The following NAALADL2 variants were observed in gnomAD, a reference collection of about 807,000 sequenced individuals.
NAALADL2 encodes inactive N-acetylated-alpha-linked acidic dipeptidase-like protein 2.
A neutral mutation model predicts 87.2 loss-of-function variants in NAALADL2; 76 were observed. That is an observed-to-expected ratio of 0.87 (90% CI 0.72 to 1.05). NAALADL2 has a LOEUF of 1.05. Ranked by LOEUF, NAALADL2 falls within the 50% of genes least tolerant of loss-of-function variation. NAALADL2 has a pLI of 0.00. For missense variants in NAALADL2, 1,089 were observed against 945.8 expected (o/e 1.15, Z -1.99); for synonymous variants, 354 against 331.0 (o/e 1.07, Z -0.75).
intron 2 of NAALADL2, among the ~76,000 whole-genome samples, chr3:175,195,618 T>G (rs1034187509): frequency 2.0e-5 from 3 of 151,792 alleles, no homozygotes; most frequent in Non-Finnish European, 4.4e-5. Flanking sequence ...AGATGATGAA[T>G]GCAAAGAGGT....
intron 9 of NAALADL2, among the ~76,000 whole-genome samples, chr3:175,575,438 C>T (rs1169127943): frequency 1.3e-5 from 2 of 152,016 alleles, no homozygotes; most frequent in African/African-American, 4.8e-5. Context: ...GCTCCTGCCA[C>T]CACACCCGGC....
At chr3:175,229,021 A>G (rs1744562350) in intron 2 of NAALADL2, among the ~76,000 whole-genome samples, 1 of 151,974 alleles carries the variant, frequency 6.6e-6, no homozygotes, top group African/African-American at 2.4e-5. Flanking sequence ...AAGAAATAAA[A>G]CATACAATTG....
At chr3:175,448,691 A>AT (rs372499191) in intron 6 of NAALADL2, among the ~76,000 whole-genome samples, 61 of 152,104 alleles carry the variant, frequency 4.0e-4, no homozygotes, top group East Asian at 3.7e-3. Flanking sequence ...CTTTTTTAAA[A>AT]TTTTTTTGTG....
At chr3:174,660,869 G>C (rs1322175864) in intron 2 of NAALADL2, among the ~76,000 whole-genome samples, 1 of 152,002 alleles carries the variant, frequency 6.6e-6, no homozygotes, top group Non-Finnish European at 1.5e-5. Context: ...AATATAATTA[G>C]TTTGTCCTAA....
intron 2 of NAALADL2, among the ~76,000 whole-genome samples, chr3:174,622,692 C>T (rs573224950): frequency 1.5e-3 from 225 of 152,102 alleles, no homozygotes; most frequent in Non-Finnish European, 2.7e-3. Context: ...AGAGAAAATG[C>T]ATTTACAGTA....
intron 2 of NAALADL2, among the ~76,000 whole-genome samples, chr3:174,702,737 A>G (rs1226810649): frequency 6.6e-6 from 1 of 152,216 alleles, no homozygotes; most frequent in Non-Finnish European, 1.5e-5. Flanking sequence ...AACATAGAAA[A>G]TGTACAGTAA....
Position 174,921,381 on chromosome 3 carries a change from A to G in NAALADL2, c.43+61931A>G, listed in dbSNP as rs181383159. Among the ~76,000 whole-genome samples, 208 of 152,336 alleles carry G rather than the reference A, an allele frequency of 1.4e-3. 1 individual carries two copies. Among genetic ancestry groups the G allele is most frequent in the African/African-American group, 4.9e-3 (204 of 41,578 alleles). ...TTATTTTTTATTTTACGTGGCCTTT[A>G]TATGATTATGTAATCTTTTGCAAAT... On this transcript the variant is annotated intron_variant, in intron 1 of 13. Transcript: ENST00000454872.
intron 3 of NAALADL2, among the ~76,000 whole-genome samples, chr3:174,775,642 C>A (rs1715118130): frequency 6.6e-6 from 1 of 152,060 alleles, no homozygotes; most frequent in Admixed American, 6.6e-5. Context: ...TTGAATAAGT[C>A]CCTCAGGCCA....
intron 2 of NAALADL2, among the ~76,000 whole-genome samples, chr3:175,186,523 C>T (rs9822481): frequency 0.11 from 16,055 of 152,008 alleles, 970 homozygotes; most frequent in African/African-American, 0.14. Context: ...TAGAAAGTAG[C>T]GACTATCCAT....
At chr3:175,398,323 T>A (rs1436695296) in intron 5 of NAALADL2, among the ~76,000 whole-genome samples, 2 of 150,144 alleles carry the variant, frequency 1.3e-5, no homozygotes, top group Non-Finnish European at 3.0e-5. Flanking sequence ...CTTTCATTCT[T>A]AATTAGTGAT....
intron 10 of NAALADL2, among the ~76,000 whole-genome samples, chr3:175,592,307 C>CTTTTTTTTTTTTTTT (rs758914649): frequency 1.2e-4 from 5 of 43,246 alleles, no homozygotes; most frequent in African/African-American, 1.9e-4. Context: ...TTTTTCTTTT[C>CTTTTTTTTTTTTTTT]TTTTTTTTTT....
At position 175,178,656 on chromosome 3, in the gene NAALADL2, G is replaced by C. The variant is rs544877961; in HGVS notation, c.546-55275G>C. ...GGGCTGGTAGAAACACACATTGCTA[G>C]TCTGCATCCCCGCAGTACCTGATTC... On this transcript the variant is annotated intron_variant, in intron 2 of 13. Transcript: ENST00000454872. 7.2e-5 allele frequency among the ~76,000 whole-genome samples: 11 copies of C among 152,104 alleles called. No homozygotes were observed. The East Asian group carries it at 2.1e-3, about 29-fold the overall frequency.
At chr3:175,224,585 C>G (rs538560926) in intron 2 of NAALADL2, among the ~76,000 whole-genome samples, 174 of 152,222 alleles carry the variant, frequency 1.1e-3, no homozygotes, top group Non-Finnish European at 1.9e-3. Flanking sequence ...ACCCACTCCC[C>G]ACTGCCAAAC....
chr3:175,064,943 C>T (rs1193604826), intron 1 of NAALADL2, among the ~76,000 whole-genome samples: 4 of 151,848 alleles, frequency 2.6e-5, no homozygotes, highest in African/African-American at 4.8e-5. Context: ...TTAAATAATG[C>T]GTAGTTTGAA....
chr3:175,479,658 T>C (rs1232231642), intron 9 of NAALADL2, among the ~76,000 whole-genome samples: 1 of 151,822 alleles, frequency 6.6e-6, no homozygotes, highest in African/African-American at 2.4e-5. Flanking sequence ...TATACAGTGC[T>C]GATAAGGCTT....
intron 1 of NAALADL2, among the ~76,000 whole-genome samples, chr3:175,053,740 C>G (rs991919749): frequency 6.6e-6 from 1 of 152,244 alleles, no homozygotes; most frequent in Non-Finnish European, 1.5e-5. Flanking sequence ...CGAGGATTAA[C>G]TCCTCCCGTA....
chr3:175,176,443 T>A (rs1004240421), intron 2 of NAALADL2, among the ~76,000 whole-genome samples: 1 of 152,146 alleles, frequency 6.6e-6, no homozygotes, highest in African/African-American at 2.4e-5. Flanking sequence ...AGAGAAGATA[T>A]CAGAACACAA....
intron 3 of NAALADL2, among the ~76,000 whole-genome samples, chr3:174,837,687 G>A (rs1002244260): frequency 1.3e-5 from 2 of 151,946 alleles, no homozygotes; most frequent in Non-Finnish European, 2.9e-5. Flanking sequence ...CCAGCTACTC[G>A]GGAGGCTGAG....
chr3:174,807,377 A>C (rs1279696945), intron 3 of NAALADL2, among the ~76,000 whole-genome samples: 5 of 152,102 alleles, frequency 3.3e-5, no homozygotes, highest in African/African-American at 1.2e-4. Flanking sequence ...TCTTGCTCAT[A>C]CGATGCACTT....
Sources: allele counts gnomAD v4.1 joint callset (sites outside exome capture counted in the v4.1 genomes callset), GRCh38; gene constraint gnomAD v4.1.1; transcripts MANE v1.5; gene names NCBI Gene and HGNC (gene_info 2026-07-23, HGNC 2026-07-21).